Variants in DNA2 observed in about 807,000 individuals in gnomAD.
The protein encoded by DNA2 is DNA replication helicase/nuclease 2, also known as DNA replication ATP-dependent helicase/nuclease DNA2.
In DNA2, 101 loss-of-function variants were observed where a neutral mutation model predicts 119.1. The ratio of observed to expected loss-of-function variants is 0.85; its 90% CI spans 0.72 to 1.00. The LOEUF is 1.00. Among genes scored for constraint, DNA2 ranks in the 50% least tolerant of loss-of-function variants. DNA2 has a pLI of 0.00. For synonymous variants in DNA2, 366 were observed against 424.4 expected (o/e 0.86, Z 1.69); for missense variants, 1,121 against 1,255.5 (o/e 0.89, Z 1.62).
rs545130298 is a variant in DNA2, at chr10:68,442,941, A to G, written c.1391T>C (p.Ile464Thr). 2 of 1,612,570 alleles carry G rather than the reference A, an allele frequency of 1.2e-6. No individual in the cohort carries two copies. The highest frequency in any genetic ancestry group is 2.2e-5 in the East Asian group (1 of 44,858). ...SKDNKKNHQN[I>T]WLMPASEMEK... Reference sequence around the variant, plus strand: ...CATTTCCGAAGCAGGCATTAGCCAGATATTTTGGTGATTCTTTTTATTATC... The same window carrying G: ...CATTTCCGAAGCAGGCATTAGCCAGGTATTTTGGTGATTCTTTTTATTATC... Residue 464 changes from isoleucine to threonine, a missense_variant, in exon 9 of 21, where the codon ATC becomes ACC. Coordinates refer to ENST00000358410, the MANE Select transcript of DNA2 (RefSeq NM_001080449.3).
chr10:68,459,743 C>T (rs1350939740), intron 4 of DNA2, among the ~76,000 whole-genome samples: 1 of 152,112 alleles, frequency 6.6e-6, no homozygotes, highest in Non-Finnish European at 1.5e-5. Context: ...AAATGGCTAA[C>T]ATGGGCAGAG....
intron 20 of DNA2, 71 bp downstream of exon 20, chr10:68,416,638 A>C: frequency 6.8e-7 from 1 of 1,475,540 alleles, no homozygotes; most frequent in Non-Finnish European, 9.4e-7. Flanking sequence ...TGAGAGCTTT[A>C]ATTTAAACAA....
rs117821013 is a variant in DNA2, at chr10:68,432,807, G to A, written c.1647-297C>T. ...GAACACGGGTTCACCATCCCCAGAG[G>A]GATCCTGAATGCATGGCTCTTCCTT... On this transcript the variant is annotated intron_variant, in intron 10 of 20. Coordinates refer to ENST00000358410, the MANE Select transcript of DNA2 (RefSeq NM_001080449.3). Among the ~76,000 whole-genome samples the A allele has an allele frequency of 4.5e-3, 681 of 152,188 alleles. 14 individuals carry two copies. Among genetic ancestry groups the A allele is most frequent in the Non-Finnish European group, 6.9e-3 (470 of 67,992 alleles).
Position 68,432,334 on chromosome 10 carries a change from CT to C in DNA2, c.1764-20del. On this transcript the variant is annotated intron_variant, in intron 11 of 20. Transcript: ENST00000358410. Reference sequence around the variant, plus strand: ...TTTTTTGCTGAAAAGTGAAAAAGCACTTTTAGTAATATTCCTTAGAAAAGTG... The same window carrying C: ...TTTTTTGCTGAAAAGTGAAAAAGCACTTTAGTAATATTCCTTAGAAAAGTG... 6.3e-7 allele frequency: 1 copy of C among 1,578,744 alleles called. No homozygotes were observed. The highest frequency in any genetic ancestry group is 8.6e-7 in the Non-Finnish European group (1 of 1,158,796).
chr10:68,445,994 C>T (rs1380524894), intron 7 of DNA2, among the ~76,000 whole-genome samples: 1 of 151,960 alleles, frequency 6.6e-6, no homozygotes, highest in East Asian at 1.9e-4. Flanking sequence ...CATGGTGGCA[C>T]ATGCCTGTAA....
chr10:68,467,809 GGT>G (rs2052344648), intron 3 of DNA2, among the ~76,000 whole-genome samples: 1 of 151,946 alleles, frequency 6.6e-6, no homozygotes, highest in South Asian at 2.1e-4. Context: ...GAAATGTCTA[GGT>G]GTGTTTAAAT....
At chr10:68,461,769 G>A (rs1590074028) in intron 4 of DNA2, among the ~76,000 whole-genome samples, 1 of 150,032 alleles carries the variant, frequency 6.7e-6, no homozygotes, top group South Asian at 2.1e-4. Flanking sequence ...CGGAGGTTTC[G>A]GTGAGCTGAG....
At chr10:68,436,215 C>T (rs1004148019) in intron 10 of DNA2, among the ~76,000 whole-genome samples, 3 of 152,044 alleles carry the variant, frequency 2.0e-5, no homozygotes, top group Admixed American at 6.6e-5. Flanking sequence ...GTGGTGTATC[C>T]ATACAACAGA....
In DNA2 at chr10:68,414,225, A is replaced by C. The variant is rs1241909720; in HGVS notation, c.*814T>G. 1 of 151,884 alleles carries C rather than the reference A, an allele frequency of 6.6e-6. No homozygotes were observed. The highest frequency in any genetic ancestry group is 2.4e-5 in the African/African-American group (1 of 41,388). 9.4% of individuals were successfully genotyped at this position (151,884 alleles called of 1,614,324 possible). A position where few individuals can be genotyped will look rare whatever the true frequency, so the allele number is the denominator to read the frequency against. On this transcript the variant is annotated 3_prime_UTR_variant, in exon 21 of 21. Coordinates refer to ENST00000358410, the MANE Select transcript of DNA2 (RefSeq NM_001080449.3). ...CCCCAGAAGAATCTGTTACCCCAAG[A>C]ATCTTTTAACCTTTGTTAAAATCTG... is the stretch of plus-strand genomic sequence containing the variant.
At chr10:68,461,081 A>G (rs1174141700) in intron 4 of DNA2, among the ~76,000 whole-genome samples, 3 of 152,158 alleles carry the variant, frequency 2.0e-5, no homozygotes, top group African/African-American at 7.2e-5. Flanking sequence ...GAAATGTAAA[A>G]GAGAAAAAAG....
At position 68,442,909 on chromosome 10, in the gene DNA2, C is replaced by A. The variant is rs564046796; in HGVS notation, c.1415+8G>T. The A allele has an allele frequency of 1.2e-6, 2 of 1,604,248 alleles. No homozygotes were observed. Among genetic ancestry groups the A allele is most frequent in the Non-Finnish European group, 1.7e-6 (2 of 1,175,652 alleles). On this transcript the variant is annotated splice_region_variant and intron_variant, in intron 9 of 20. Transcript: ENST00000358410. Reference sequence around the variant, plus strand: ...CTGAAATCTTACTGTACTAAATGGACCACTTACATTTCCGAAGCAGGCATT... The same window carrying A: ...CTGAAATCTTACTGTACTAAATGGAACACTTACATTTCCGAAGCAGGCATT...
chr10:68,423,406 T>A (rs2051692987), intron 14 of DNA2, among the ~76,000 whole-genome samples: 1 of 151,952 alleles, frequency 6.6e-6, no homozygotes, highest in Non-Finnish European at 1.5e-5. Context: ...GCCTCATAGA[T>A]CCCAGATTTG....
chr10:68,436,834 T>C (rs1388503795), intron 10 of DNA2, 177 bp downstream of exon 10: 2 of 569,528 alleles, frequency 3.5e-6, no homozygotes, highest in Non-Finnish European at 6.0e-6. Flanking sequence ...ATAGGGCTTC[T>C]TCCTTGGGAG....
Position 68,431,853 on chromosome 10 carries a change from T to G in DNA2, c.1983+9A>C. On this transcript the variant is annotated intron_variant, in intron 13 of 20. Transcript: ENST00000358410. ...ATTTTGTCTCTAAGCAGAAGAATAA[T>G]AACCTTACGAGAGTACATATCGTAG... 6.4e-7 allele frequency: 1 copy of G among 1,573,712 alleles called. No homozygotes were observed. The highest frequency in any genetic ancestry group is 1.1e-5 in the South Asian group (1 of 88,296).
chr10:68,432,234 T>C lies in DNA2; in HGVS notation c.1845A>G (p.Ala615=). 2 of 1,603,602 alleles carry C rather than the reference T, an allele frequency of 1.2e-6. No homozygotes were observed. The highest frequency in any genetic ancestry group is 1.1e-5 in the South Asian group (1 of 88,904). The change falls in exon 12 of 21, where the codon GCA becomes GCG. Residue 615 remains alanine (A), a synonymous_variant. Transcript: ENST00000358410. ...TTAGAATGCAGGCAACTGTATCCTT[T>C]GCATCATGTGGAAGAACAGAACTAA... ...SYLSSVLPHD[A]KDTVACILKG...
chr10:68,467,552 TTTTG>T (rs1026873503), intron 3 of DNA2, among the ~76,000 whole-genome samples: 4 of 151,868 alleles, frequency 2.6e-5, no homozygotes, highest in South Asian at 2.1e-4. Flanking sequence ...CAAAATACAT[TTTTG>T]TTTGTTTGTT....
intron 5 of DNA2, among the ~76,000 whole-genome samples, chr10:68,456,347 A>G (rs2052182092): frequency 6.6e-6 from 1 of 152,224 alleles, no homozygotes; most frequent in East Asian, 1.9e-4. Context: ...GGCTCATTAT[A>G]TCATTCGAAC....
chr10:68,422,860 T>A lies in DNA2; in HGVS notation c.2239A>T (p.Asn747Tyr). Residue 747 changes from asparagine to tyrosine, a missense_variant, in exon 15 of 21, where the codon AAC becomes TAC. Transcript: ENST00000358410. Reference sequence around the variant, plus strand: ...ATTTTACGGGAAAATATTGGATGGTTTATTCCCATACATGTTGTTGCAACT... The same window carrying A: ...ATTTTACGGGAAAATATTGGATGGTATATTCCCATACATGTTGTTGCAACT... ...LIVATTCMGI[N>Y]HPIFSRKIFD... 1.9e-6 allele frequency: 3 copies of A among 1,599,904 alleles called. No individual in the cohort carries two copies. The highest frequency in any genetic ancestry group is 2.6e-6 in the Non-Finnish European group (3 of 1,176,200).
At chr10:68,455,821 AAAAAC>A (rs1469218473) in intron 5 of DNA2, among the ~76,000 whole-genome samples, 4 of 150,026 alleles carry the variant, frequency 2.7e-5, no homozygotes, top group Non-Finnish European at 6.0e-5. Context: ...ACTCCATCTC[AAAAAC>A]AAAACAAAAC....
Sources: gnomAD v4.1 joint callset for allele counts (sites outside exome capture counted in the v4.1 genomes callset) on GRCh38, gnomAD v4.1.1 for gene constraint, MANE v1.5 for transcripts, NCBI Gene and HGNC (gene_info 2026-07-23, HGNC 2026-07-21) for gene names.